Variants in TUSC3 observed in about 807,000 individuals in gnomAD.
TUSC3 encodes the protein dolichyl-diphosphooligosaccharide--protein glycosyltransferase subunit TUSC3.
In TUSC3, 45 loss-of-function variants were observed where a neutral mutation model predicts 44.8. The observed-to-expected ratio is 1.00, with a 90% CI of 0.79 to 1.29. The LOEUF is 1.29. TUSC3 is among the 50% of genes most tolerant of loss of function. The pLI is 0.00. For missense variants in TUSC3, 519 were observed against 437.9 expected (o/e 1.19, Z -1.65); for synonymous variants, 212 against 152.9 (o/e 1.39, Z -2.85).
chr8:15,622,434 A>G (rs1280328538), intron 1 of TUSC3, among the ~76,000 whole-genome samples: 3 of 151,950 alleles, frequency 2.0e-5, no homozygotes, highest in Admixed American at 6.6e-5. Flanking sequence ...TTCCCAGCCT[A>G]TAAGAGCCTT....
chr8:15,717,148 A>G (rs1810090121), intron 6 of TUSC3, among the ~76,000 whole-genome samples: 1 of 152,142 alleles, frequency 6.6e-6, no homozygotes, highest in Admixed American at 6.6e-5. Context: ...TACAGGTCAA[A>G]TGTTATAGAT....
At chr8:15,530,564 G>A (rs574797246) in intron 2 of TUSC3, among the ~76,000 whole-genome samples, 6 of 152,292 alleles carry the variant, frequency 3.9e-5, no homozygotes, top group African/African-American at 1.4e-4. Flanking sequence ...AAGAGACAGA[G>A]CAAGGAATGC....
chr8:15,637,555 T>C (rs1238728268), intron 2 of TUSC3, among the ~76,000 whole-genome samples: 2 of 152,230 alleles, frequency 1.3e-5, no homozygotes, highest in Non-Finnish European at 2.9e-5. Flanking sequence ...TGATTTTGTT[T>C]TTAGGGAAAT....
chr8:15,491,214 C>A (rs375736959), intron 2 of TUSC3, among the ~76,000 whole-genome samples: 3 of 152,312 alleles, frequency 2.0e-5, no homozygotes, highest in African/African-American at 7.2e-5. Flanking sequence ...GAGTTCTGTC[C>A]TTTGTCCCGT....
intron 10 of TUSC3, among the ~76,000 whole-genome samples, chr8:15,761,762 C>G (rs1192042301): frequency 6.6e-6 from 1 of 152,094 alleles, no homozygotes; most frequent in Non-Finnish European, 1.5e-5. Context: ...GGAATACATT[C>G]AGTTTTCATT....
chr8:15,699,736 T>G (rs1424441345), intron 6 of TUSC3, among the ~76,000 whole-genome samples: 1 of 152,192 alleles, frequency 6.6e-6, no homozygotes, highest in Non-Finnish European at 1.5e-5. Context: ...TAGTGCCCTT[T>G]ACAAAGAGTA....
intron 2 of TUSC3, among the ~76,000 whole-genome samples, chr8:15,630,971 T>A (rs1805735721): frequency 6.6e-6 from 1 of 152,222 alleles, no homozygotes; most frequent in African/African-American, 2.4e-5. Flanking sequence ...TATTACTTTT[T>A]TGGGGTTTGG....
At chr8:15,773,931 C>G in the TUSC3 span, among the ~76,000 whole-genome samples, 1 of 152,130 alleles carries the variant, frequency 6.6e-6, no homozygotes, top group Non-Finnish European at 1.5e-5. Flanking sequence ...AACTTAAGGG[C>G]TAAAATTATA....
the TUSC3 span, among the ~76,000 whole-genome samples, chr8:15,792,412 T>A: frequency 1.3e-5 from 2 of 152,144 alleles, no homozygotes; most frequent in Admixed American, 1.3e-4. Context: ...AGAGATCATT[T>A]TTGAGATACA....
At chr8:15,657,221 G>T (rs1263508235) in intron 3 of TUSC3, among the ~76,000 whole-genome samples, 1 of 152,124 alleles carries the variant, frequency 6.6e-6, no homozygotes, top group Non-Finnish European at 1.5e-5. Context: ...TACATAGCCA[G>T]GCTGAGAGTT....
chr8:15,839,044 T>A, the TUSC3 span, among the ~76,000 whole-genome samples: 1 of 152,100 alleles, frequency 6.6e-6, no homozygotes, highest in African/African-American at 2.4e-5. Flanking sequence ...TGAGCAGTGG[T>A]TTGTAGTTCT....
intron 3 of TUSC3, among the ~76,000 whole-genome samples, chr8:15,655,513 T>G (rs1269214112): frequency 6.6e-6 from 1 of 152,160 alleles, no homozygotes; most frequent in African/African-American, 2.4e-5. Flanking sequence ...TGTATGAAAC[T>G]CCAAGTCAAA....
intron 6 of TUSC3, among the ~76,000 whole-genome samples, chr8:15,683,414 C>T (rs913417499): frequency 1.3e-5 from 2 of 152,020 alleles, no homozygotes; most frequent in African/African-American, 2.4e-5. Flanking sequence ...GAAATTGTTT[C>T]TTCTGCTTGA....
chr8:15,806,819 T>C, the TUSC3 span: 31 of 902,804 alleles, frequency 3.4e-5, no homozygotes, highest in Admixed American at 4.9e-4. Context: ...AGAAATGAAC[T>C]TTCCTGTTCC....
chr8:15,493,381 C>A (rs1478507591), intron 2 of TUSC3, among the ~76,000 whole-genome samples: 1 of 152,088 alleles, frequency 6.6e-6, no homozygotes, highest in Non-Finnish European at 1.5e-5. Context: ...CTGCCACAGC[C>A]TCCTGAGTAG....
chr8:15,460,836 G>C (rs979325585), intron 1 of TUSC3, among the ~76,000 whole-genome samples: 1 of 152,118 alleles, frequency 6.6e-6, no homozygotes, highest in African/African-American at 2.4e-5. Context: ...TCAGTTGGCT[G>C]TAAGTATTTG....
chr8:15,480,189 A>G (rs562594497), intron 1 of TUSC3, among the ~76,000 whole-genome samples: 5 of 152,352 alleles, frequency 3.3e-5, no homozygotes, highest in South Asian at 4.1e-4. Context: ...AGAGGACACA[A>G]AGAAATAGAA....
At chr8:15,469,651 A>C (rs59684046) in intron 1 of TUSC3, among the ~76,000 whole-genome samples, 16,202 of 152,236 alleles carry the variant, frequency 0.11, 1,191 homozygotes, top group African/African-American at 0.21. Context: ...CTTGGTATTT[A>C]CCCAAATGAA....
At chr8:15,822,969 CAAT>C in the TUSC3 span, among the ~76,000 whole-genome samples, 1 of 152,080 alleles carries the variant, frequency 6.6e-6, no homozygotes, top group Non-Finnish European at 1.5e-5. Flanking sequence ...CCTCGTAACT[CAAT>C]AATACCGACC....
Sources: gnomAD v4.1 joint callset for allele counts (sites outside exome capture counted in the v4.1 genomes callset) on GRCh38, gnomAD v4.1.1 for gene constraint, MANE v1.5 for transcripts, NCBI Gene and HGNC (gene_info 2026-07-23, HGNC 2026-07-21) for gene names.